The following FLT1 variants were observed in gnomAD, a reference collection of about 807,000 sequenced individuals.
FLT1 encodes fms related receptor tyrosine kinase 1.
Under a neutral mutation model 156.3 loss-of-function variants are expected in FLT1, and 49 were observed. The ratio of observed to expected loss-of-function variants is 0.31; its 90% CI spans 0.25 to 0.40. The LOEUF (loss-of-function observed/expected upper bound fraction) is 0.40, where lower values mean the gene tolerates loss of function less well. Among genes scored for constraint, FLT1 ranks in the 10% least tolerant of loss-of-function variants. The pLI is 1.00. For synonymous variants in FLT1, 594 were observed against 583.8 expected, an observed-to-expected ratio of 1.02 and a Z score of -0.25; for missense variants, 1,322 against 1,637.2, an observed-to-expected ratio of 0.81 and a Z score of 3.32.
intron 3 of FLT1, among the ~76,000 whole-genome samples, chr13:28,448,309 A>G (rs1413454260): frequency 6.6e-6 from 1 of 152,236 alleles, no homozygotes; most frequent in Non-Finnish European, 1.5e-5. Context: ...TTGTACACAA[A>G]TGTTTACTGT....
rs73453231 is a variant in FLT1, at chr13:28,337,351, C to G, written c.2488+1817G>C. 6.9e-3 allele frequency among the ~76,000 whole-genome samples: 1,051 copies of G among 152,220 alleles called. 18 individuals are homozygous for G. Among genetic ancestry groups the G allele is most frequent in the African/African-American group, 0.024 (1,000 of 41,530 alleles). On this transcript the variant is annotated intron_variant, in intron 17 of 29. Transcript: ENST00000282397. ...TTGTGTATTTCTCTACATTTACAAC[C>G]CCAGTATAACTGCCAGTTAAAACAG...
At chr13:28,474,442 ACT>A (rs1391031927) in intron 1 of FLT1, among the ~76,000 whole-genome samples, 1 of 150,824 alleles carries the variant, frequency 6.6e-6, no homozygotes, top group Non-Finnish European at 1.5e-5. Flanking sequence ...GGCGACAGAA[ACT>A]CTGTCTCAAA....
chr13:28,313,285 T>C (rs1871078185), intron 25 of FLT1, among the ~76,000 whole-genome samples: 1 of 152,180 alleles, frequency 6.6e-6, no homozygotes, highest in Non-Finnish European at 1.5e-5. Context: ...GGCCTCTTCT[T>C]TACATTTTAG....
intron 11 of FLT1, 27 bp downstream of exon 11, chr13:28,405,752 TC>T (rs1875749976): frequency 2.6e-6 from 3 of 1,157,010 alleles, no homozygotes; most frequent in Non-Finnish European, 3.9e-6. Context: ...GGAATAAATA[TC>T]CCAGTGCGCA....
At chr13:28,479,117 A>G (rs1333867200) in intron 1 of FLT1, among the ~76,000 whole-genome samples, 1 of 152,214 alleles carries the variant, frequency 6.6e-6, no homozygotes, top group South Asian at 2.1e-4. Context: ...CACTAACAGG[A>G]AAGTTGAGAA....
intron 13 of FLT1, chr13:28,386,475 G>A: frequency 9.6e-7 from 1 of 1,046,860 alleles, no homozygotes; most frequent in Non-Finnish European, 1.2e-6. Context: ...AAAAAAGTGT[G>A]CTGAAGGAAG....
chr13:28,341,173 G>A (rs950340685), intron 16 of FLT1, among the ~76,000 whole-genome samples: 12 of 152,142 alleles, frequency 7.9e-5, no homozygotes, highest in African/African-American at 1.7e-4. Context: ...AGTCTCCCAC[G>A]TGGCACCTAT....
intron 10 of FLT1, among the ~76,000 whole-genome samples, chr13:28,416,817 C>T (rs1417556853): frequency 6.6e-6 from 1 of 152,110 alleles, no homozygotes; most frequent in Non-Finnish European, 1.5e-5. Context: ...TTCATACTCA[C>T]AAGGGCTGAT....
At chr13:28,449,551 C>T (rs185021099) in intron 3 of FLT1, among the ~76,000 whole-genome samples, 239 of 149,958 alleles carry the variant, frequency 1.6e-3, no homozygotes, top group African/African-American at 5.7e-3. Flanking sequence ...AAAAATCTCA[C>T]TGAGACTGGC....
Position 28,300,834 on chromosome 13 carries a change from G to A in FLT1, c.*2333C>T, listed in dbSNP as rs954262041. On this transcript the variant is annotated 3_prime_UTR_variant, in exon 30 of 30. Transcript: ENST00000282397. ...AGTGCCAACCATTTTTGTCATAAAT[G>A]GCAAATGATTGGAATATTATCAGTT... 1.7e-5 allele frequency: 4 copies of A among 233,034 alleles called. No homozygotes were observed. The highest frequency in any genetic ancestry group is 6.6e-5 in the African/African-American group (3 of 45,314). 14.4% of individuals were successfully genotyped at this position (233,034 alleles called of 1,614,324 possible).
At chr13:28,308,820 G>A (rs762770891) in intron 28 of FLT1, 23 bp downstream of exon 28, 2 of 1,476,782 alleles carry the variant, frequency 1.4e-6, no homozygotes, top group South Asian at 1.1e-5. Context: ...GGGTGCACTA[G>A]GTACCTTAAC....
At chr13:28,353,489 C>T (rs1440181501) in intron 15 of FLT1, among the ~76,000 whole-genome samples, 1 of 149,112 alleles carries the variant, frequency 6.7e-6, no homozygotes, top group Non-Finnish European at 1.5e-5. Flanking sequence ...AGAAGAATTG[C>T]TTGAGCTCAG....
At chr13:28,442,867 T>C (rs1001616922) in intron 3 of FLT1, among the ~76,000 whole-genome samples, 2 of 152,212 alleles carry the variant, frequency 1.3e-5, no homozygotes, top group African/African-American at 2.4e-5. Context: ...ACCATAGATA[T>C]AGAAGAGGTC....
intron 16 of FLT1, 78 bp from the exon 17 acceptor site, chr13:28,339,378 G>C: frequency 2.7e-6 from 4 of 1,483,048 alleles, no homozygotes; most frequent in Non-Finnish European, 3.7e-6. Context: ...AACATCCACT[G>C]TTTTATTTGG....
chr13:28,395,372 C>T (rs1466812556), intron 12 of FLT1, among the ~76,000 whole-genome samples: 1 of 152,186 alleles, frequency 6.6e-6, no homozygotes, highest in East Asian at 1.9e-4. Flanking sequence ...AGGCTTACAG[C>T]TGCACTGTCC....
intron 11 of FLT1, among the ~76,000 whole-genome samples, chr13:28,401,585 T>C (rs1875438831): frequency 1.3e-5 from 2 of 152,240 alleles, no homozygotes; most frequent in African/African-American, 4.8e-5. Flanking sequence ...GGAACACTGA[T>C]TTTAATCTCG....
At chr13:28,455,884 G>A (rs1879233309) in intron 3 of FLT1, among the ~76,000 whole-genome samples, 1 of 152,192 alleles carries the variant, frequency 6.6e-6, no homozygotes, top group African/African-American at 2.4e-5. Context: ...TCCACGTCAT[G>A]TCATTGGGAA....
Position 28,329,621 on chromosome 13 carries a change from G to T in FLT1, c.2701C>A (p.Gln901Lys). 6.2e-7 allele frequency: 1 copy of T among 1,612,356 alleles called. No individual in the cohort carries two copies. Among genetic ancestry groups the T allele is most frequent in the Non-Finnish European group, 8.5e-7 (1 of 1,178,444 alleles). ...VVNLLGACTKQGGPLMVIVEY... is the reference protein window; with the variant it reads ...VVNLLGACTKKGGPLMVIVEY... ...CCCTCCCCTTCTCCATTACCTCCTTGCTTGGTGCAGGCTCCCAGCAGGTTA... is the reference window on the plus strand; with the variant it reads ...CCCTCCCCTTCTCCATTACCTCCTTTCTTGGTGCAGGCTCCCAGCAGGTTA... Residue 901 changes from glutamine to lysine, a missense_variant, in exon 19 of 30, where the codon CAA (glutamine) becomes AAA (lysine). By Grantham distance (53) the Gln-to-Lys change is moderately conservative. Transcript: ENST00000282397.
chr13:28,416,062 C>T (rs1299821298), intron 10 of FLT1, among the ~76,000 whole-genome samples: 1 of 152,196 alleles, frequency 6.6e-6, no homozygotes, highest in Non-Finnish European at 1.5e-5. Context: ...ACTTAGCACT[C>T]GCAATGTACC....
Sources: gnomAD v4.1 joint callset for allele counts (sites outside exome capture counted in the v4.1 genomes callset) on GRCh38, gnomAD v4.1.1 for gene constraint, MANE v1.5 for transcripts, NCBI Gene and HGNC (gene_info 2026-07-23, HGNC 2026-07-21) for gene names.